The following ZBTB20 variants were observed in gnomAD, a reference collection of about 807,000 sequenced individuals.
The protein encoded by ZBTB20 is zinc finger and BTB domain-containing protein 20.
ZBTB20 carries 9 observed loss-of-function variants against 56.9 expected under a neutral mutation model. The observed-to-expected ratio is 0.16, with a 90% confidence interval of 0.10 to 0.28. The LOEUF is 0.28. Ranked by LOEUF, ZBTB20 falls within the 10% of genes least tolerant of loss-of-function variation. The pLI, the probability that ZBTB20 is intolerant of heterozygous loss-of-function variation, is 1.00. For missense variants in ZBTB20, 655 were observed against 1,003.0 expected (o/e 0.65, Z 4.69); for synonymous variants, 417 against 420.7 (o/e 0.99, Z 0.11).
At chr3:114,387,540 AT>A (rs1487850315) in intron 8 of ZBTB20, 1 of 152,166 alleles carries the variant, frequency 6.6e-6, no homozygotes, top group Non-Finnish European at 1.5e-5. Context: ...TCAGCTCCTG[AT>A]TTCTAGGTCT....
chr3:114,473,990 C>A (rs2040447642), intron 7 of ZBTB20, among the ~76,000 whole-genome samples: 1 of 152,188 alleles, frequency 6.6e-6, no homozygotes, highest in African/African-American at 2.4e-5. Context: ...ACAATCATGG[C>A]AGAAGGCAAG....
At chr3:114,937,616 T>C (rs1159217595) in intron 3 of ZBTB20, among the ~76,000 whole-genome samples, 1 of 151,674 alleles carries the variant, frequency 6.6e-6, no homozygotes, top group African/African-American at 2.4e-5. Context: ...AGAGACAGAG[T>C]TTCACCATGT....
intron 6 of ZBTB20, among the ~76,000 whole-genome samples, chr3:114,637,192 GA>G (rs1193722601): frequency 6.6e-6 from 1 of 151,926 alleles, no homozygotes; most frequent in Non-Finnish European, 1.5e-5. Flanking sequence ...GACTGGAGTA[GA>G]ACAAAAACTG....
chr3:115,023,182 G>A (rs1163376770), intron 2 of ZBTB20, among the ~76,000 whole-genome samples: 2 of 151,008 alleles, frequency 1.3e-5, no homozygotes, highest in Non-Finnish European at 3.0e-5. Context: ...ACCTTAACAG[G>A]TAGAAATGGA....
chr3:114,564,719 C>T (rs1433710648), intron 6 of ZBTB20, among the ~76,000 whole-genome samples: 1 of 152,166 alleles, frequency 6.6e-6, no homozygotes, highest in African/African-American at 2.4e-5. Flanking sequence ...CTTCCTTCTC[C>T]TAACTCTAGG....
chr3:114,766,753 G>A (rs2068820816), intron 5 of ZBTB20, among the ~76,000 whole-genome samples: 1 of 152,110 alleles, frequency 6.6e-6, no homozygotes, highest in South Asian at 2.1e-4. Context: ...GGAGAAGAAA[G>A]ATCTACTTGA....
chr3:114,746,808 T>C (rs574361950), intron 5 of ZBTB20, among the ~76,000 whole-genome samples: 17 of 152,356 alleles, frequency 1.1e-4, no homozygotes, highest in African/African-American at 3.8e-4. Flanking sequence ...CATATCAGAA[T>C]CTATATTGAA....
In ZBTB20 at chr3:114,348,471, G is replaced by C. The variant is rs1439719590; in HGVS notation, c.1804+1803C>G. On this transcript the variant is annotated intron_variant, in intron 11 of 11. Coordinates refer to ENST00000675478, the MANE Select transcript of ZBTB20 (RefSeq NM_001348800.3). ...GAAAATTTCTTGTGATTTACCTCTG[G>C]TTATTAGTACATTCACATTTATCCC... 2.0e-5 allele frequency among the ~76,000 whole-genome samples: 3 copies of C among 152,124 alleles called. No individual in the cohort carries two copies. In the East Asian group the frequency reaches 5.8e-4, roughly 29 times the overall value.
intron 10 of ZBTB20, among the ~76,000 whole-genome samples, chr3:114,363,691 T>C (rs1231058568): frequency 6.6e-6 from 1 of 152,176 alleles, no homozygotes; most frequent in Non-Finnish European, 1.5e-5. Flanking sequence ...ATTTAGGGCA[T>C]TACTAGTATT....
chr3:114,610,911 A>G (rs2057498611), intron 6 of ZBTB20, among the ~76,000 whole-genome samples: 2 of 152,186 alleles, frequency 1.3e-5, no homozygotes, highest in African/African-American at 4.8e-5. Flanking sequence ...GTTAACCAAG[A>G]AGTTGAATAT....
intron 5 of ZBTB20, among the ~76,000 whole-genome samples, chr3:114,765,622 A>G (rs2068735410): frequency 6.6e-6 from 1 of 152,148 alleles, no homozygotes; most frequent in Non-Finnish European, 1.5e-5. Flanking sequence ...CCAATTTATG[A>G]TATTCTATTA....
In ZBTB20 at chr3:114,336,533, AAATATCC is replaced by A. The variant is rs2079459559; in HGVS notation, c.*2465_*2471del. On this transcript the variant is annotated 3_prime_UTR_variant, in exon 12 of 12. Transcript: ENST00000675478. ...CAAGTTTACATTAAAACTTCTAGCA[AAATATCC>A]ACTGAATTAAGCACTGTGGGACCAA... 1 of 152,194 alleles carries A rather than the reference AAATATCC, an allele frequency of 6.6e-6. No homozygotes were observed. The highest frequency in any genetic ancestry group is 1.5e-5 in the Non-Finnish European group (1 of 68,030). 9.4% of individuals were successfully genotyped at this position (152,194 alleles called of 1,614,324 possible). A position where few individuals can be genotyped will look rare whatever the true frequency, so the allele number is the denominator to read the frequency against.
At chr3:114,406,637 C>T (rs2087354295) in intron 7 of ZBTB20, among the ~76,000 whole-genome samples, 1 of 152,066 alleles carries the variant, frequency 6.6e-6, no homozygotes, top group South Asian at 2.1e-4. Flanking sequence ...GAGACCTGGA[C>T]TTAAAATATT....
chr3:115,128,480 A>T (rs1050036659), intron 1 of ZBTB20, among the ~76,000 whole-genome samples: 2 of 151,886 alleles, frequency 1.3e-5, no homozygotes, highest in African/African-American at 4.8e-5. Context: ...CCTGGCCAAC[A>T]TGGTGAAAGC....
At chr3:114,428,403 A>G (rs78075188) in intron 7 of ZBTB20, among the ~76,000 whole-genome samples, 2 of 152,348 alleles carry the variant, frequency 1.3e-5, no homozygotes, top group East Asian at 3.9e-4. Flanking sequence ...AAAGGCATCT[A>G]TGGAGCTAGA....
At chr3:115,085,517 G>A (rs185175696) in intron 1 of ZBTB20, among the ~76,000 whole-genome samples, 5 of 152,060 alleles carry the variant, frequency 3.3e-5, no homozygotes, top group Admixed American at 2.0e-4. Flanking sequence ...ACCTAAGAAA[G>A]AGGTAAAAGA....
chr3:115,108,794 T>G (rs1002190416), intron 1 of ZBTB20, among the ~76,000 whole-genome samples: 1 of 151,686 alleles, frequency 6.6e-6, no homozygotes, highest in African/African-American at 2.4e-5. Context: ...TAGCAAAGAG[T>G]AGAAAATCAA....
chr3:114,851,125 A>G (rs2074979930), intron 4 of ZBTB20, among the ~76,000 whole-genome samples: 1 of 152,228 alleles, frequency 6.6e-6, no homozygotes, highest in African/African-American at 2.4e-5. Flanking sequence ...ACTTGGCTCC[A>G]CATGACTCAG....
chr3:115,136,208 G>A (rs2084648884), intron 1 of ZBTB20, among the ~76,000 whole-genome samples: 1 of 152,048 alleles, frequency 6.6e-6, no homozygotes, highest in South Asian at 2.1e-4. Context: ...TACCTAAAAG[G>A]ATAGAAAACT....
Sources: gnomAD v4.1 joint callset for allele counts (sites outside exome capture counted in the v4.1 genomes callset) on GRCh38, gnomAD v4.1.1 for gene constraint, MANE v1.5 for transcripts, NCBI Gene and HGNC (gene_info 2026-07-23, HGNC 2026-07-21) for gene names.